The following ADCY10 variants were observed in gnomAD, a reference collection of about 807,000 sequenced individuals.
The protein encoded by ADCY10 is adenylate cyclase 10, also known as adenylate cyclase type 10.
ADCY10 carries 156 observed loss-of-function variants against 183.3 expected under a neutral mutation model. The ratio of observed to expected loss-of-function variants is 0.85; its 90% CI spans 0.75 to 0.97. ADCY10 has a LOEUF of 0.97. ADCY10 is among the 50% of genes least tolerant of loss of function. ADCY10 has a pLI of 0.00. For missense variants in ADCY10, 1,745 were observed against 1,934.3 expected, an observed-to-expected ratio of 0.90 and a Z score of 1.84; for synonymous variants, 645 against 670.0, an observed-to-expected ratio of 0.96 and a Z score of 0.58.
chr1:167,846,547 G>A (rs1665042020), intron 19 of ADCY10, among the ~76,000 whole-genome samples: 1 of 152,216 alleles, frequency 6.6e-6, no homozygotes, highest in African/African-American at 2.4e-5. Context: ...GCTAAAGTGT[G>A]ACAAGTGTGT....
In ADCY10 at chr1:167,809,676, T is replaced by C. The variant is rs1035063055; in HGVS notation, c.*2A>G. The C allele has an allele frequency of 1.9e-6, 3 of 1,613,942 alleles. No individual in the cohort carries two copies. In the African/African-American group the frequency reaches 4.0e-5, roughly 22 times the overall value. On this transcript the variant is annotated 3_prime_UTR_variant, in exon 33 of 33. Transcript: ENST00000367851. ...TTATTAAAATCTTTTTTCTTTGACA[T>C]GTTAGAAATGATTGTCCACGGTATT... is the stretch of plus-strand genomic sequence containing the variant.
chr1:167,860,332 A>G (rs993450852), intron 15 of ADCY10, among the ~76,000 whole-genome samples: 3 of 152,178 alleles, frequency 2.0e-5, no homozygotes, highest in African/African-American at 7.2e-5. Flanking sequence ...CACAGTTCAC[A>G]ATAGGGTTCA....
At chr1:167,821,298 C>T (rs897741499) in intron 30 of ADCY10, 2 of 152,960 alleles carry the variant, frequency 1.3e-5, no homozygotes, top group South Asian at 2.1e-4. Context: ...AATGCTGCTT[C>T]CTCACTCCTG....
chr1:167,883,976 G>T (rs1357734768), intron 8 of ADCY10, among the ~76,000 whole-genome samples: 1 of 151,970 alleles, frequency 6.6e-6, no homozygotes, highest in African/African-American at 2.4e-5. Context: ...AATTTTTGTA[G>T]GTCTATAGTA....
In ADCY10 at chr1:167,899,445, A is replaced by G; in HGVS notation, c.620T>C (p.Val207Ala). 1 of 1,614,178 alleles carries G rather than the reference A, an allele frequency of 6.2e-7. No homozygotes were observed. The highest frequency in any genetic ancestry group is 8.5e-7 in the Non-Finnish European group (1 of 1,180,026). The change falls in exon 6 of 33, where the codon GTT (valine) becomes GCT (alanine). Residue 207 changes from valine to alanine, a missense_variant. Coordinates refer to ENST00000367851, the MANE Select transcript of ADCY10 (RefSeq NM_018417.6). ...CACCTTAACTGCTCTCTGATCTGGA[A>G]CACTCTCAATTTCAATCATGCTCCG... ...CDRSMIEIES[V>A]PDQRAVKVNF...
Position 167,893,861 on chromosome 1 carries a change from A to G in ADCY10, c.820T>C (p.Leu274=), listed in dbSNP as rs776493706. 8.5e-5 allele frequency: 137 copies of G among 1,612,898 alleles called. No individual in the cohort carries two copies. Among genetic ancestry groups the G allele is most frequent in the Non-Finnish European group, 1.1e-4 (128 of 1,179,102 alleles). The change falls in exon 8 of 33, where the codon TTG becomes CTG. Residue 274 remains leucine (L), a synonymous_variant. Transcript: ENST00000367851. ...TTCAATTTTGAAAATACCTGCTTCA[A>G]AATGCTTTCCATCACATACTTTTGT... The part of the protein sequence containing the change: ...SLQKYVMESI[L]KQIDNKQLQG...
Position 167,873,501 on chromosome 1 carries a change from G to A in ADCY10, c.1462+1630C>T, listed in dbSNP as rs1667243643. On this transcript the variant is annotated intron_variant, in intron 13 of 32. Transcript: ENST00000367851. ...GATTTAACTTATGATAAGACTTTTG[G>A]GGATGTTCGTGTCTGACAGAAGGAA... 2.0e-5 allele frequency among the ~76,000 whole-genome samples: 3 copies of A among 152,114 alleles called. No homozygotes were observed. In the South Asian group the frequency reaches 6.2e-4, roughly 32 times the overall value.
chr1:167,845,408 T>C (rs956578018), intron 21 of ADCY10, 155 bp downstream of exon 21: 2 of 723,610 alleles, frequency 2.8e-6, no homozygotes, highest in African/African-American at 3.6e-5. Flanking sequence ...ACTTTTCTCT[T>C]CCCCATTGGC....
intron 8 of ADCY10, among the ~76,000 whole-genome samples, chr1:167,890,251 A>G (rs781555578): frequency 2.0e-5 from 3 of 152,242 alleles, no homozygotes; most frequent in Non-Finnish European, 4.4e-5. Context: ...GATCTAAGCC[A>G]TATCTATATT....
Position 167,845,775 on chromosome 1 carries a change from A to T in ADCY10, c.2795T>A (p.Met932Lys). ...ECHRIRFCNP[M>K]MQKTAYELWL... ...CAGCTCGTAGGCTGTTTTCTGCATC[A>T]TAGGGTTACAGAATCGAATCCTGTG... The change falls in exon 21 of 33, where the codon ATG (methionine) becomes AAG (lysine). Residue 932 changes from methionine (M) to lysine (K), a missense_variant. By Grantham distance (95) the Met-to-Lys change is moderately conservative. Coordinates refer to ENST00000367851, the MANE Select transcript of ADCY10 (RefSeq NM_018417.6). The T allele has an allele frequency of 6.2e-7, 1 of 1,614,192 alleles. No homozygotes were observed. The highest frequency in any genetic ancestry group is 8.5e-7 in the Non-Finnish European group (1 of 1,180,036).
chr1:167,833,392 G>A (rs2101903981), intron 24 of ADCY10, among the ~76,000 whole-genome samples: 1 of 152,258 alleles, frequency 6.6e-6, no homozygotes, highest in African/African-American at 2.4e-5. Flanking sequence ...GTCTACCTCT[G>A]AGACAATGTT....
chr1:167,894,666 CT>C (rs911455473), intron 7 of ADCY10, among the ~76,000 whole-genome samples: 10 of 151,902 alleles, frequency 6.6e-5, no homozygotes, highest in Non-Finnish European at 1.2e-4. Flanking sequence ...GATTTGTAGC[CT>C]TTATAATAAA....
chr1:167,860,991 A>C lies in ADCY10; in HGVS notation c.1689T>G (p.Asn563Lys). ...GTTTACAAGTGTCTAGGCCTAGGAC[A>C]TTGGCCATGAACATCTGGATGGTAT... ...TFYTIQMFMA[N>K]VLGLDTCKHY... Residue 563 changes from asparagine (N) to lysine (K), a missense_variant, in exon 15 of 33, where the codon AAT becomes AAG. Coordinates refer to ENST00000367851, the MANE Select transcript of ADCY10 (RefSeq NM_018417.6). 6.2e-7 allele frequency: 1 copy of C among 1,613,980 alleles called. No homozygotes were observed. The highest frequency in any genetic ancestry group is 1.1e-5 in the South Asian group (1 of 91,082).
At chr1:167,859,689 G>A in intron 16 of ADCY10, 118 bp downstream of exon 16, 1 of 811,202 alleles carries the variant, frequency 1.2e-6, no homozygotes, top group Non-Finnish European at 2.2e-6. Context: ...TTAGGACAAA[G>A]CCTTCACATC....
intron 16 of ADCY10, 79 bp downstream of exon 16, chr1:167,859,728 G>A: frequency 9.3e-7 from 1 of 1,071,612 alleles, no homozygotes; most frequent in South Asian, 1.3e-5. Context: ...AATGTGGTCT[G>A]AACTCCTCAA....
At chr1:167,906,662 A>C (rs967987874) in intron 1 of ADCY10, among the ~76,000 whole-genome samples, 1 of 150,540 alleles carries the variant, frequency 6.6e-6, no homozygotes, top group Non-Finnish European at 1.5e-5. Context: ...GGTGGCATGC[A>C]CCTGTAGTCC....
rs150565529 is a variant in ADCY10, at chr1:167,861,054, G to C, written c.1626C>G (p.Ala542=). 3.8e-5 allele frequency: 61 copies of C among 1,613,646 alleles called. 1 individual carries two copies. In the African/African-American group the frequency reaches 8.0e-4, roughly 21 times the overall value. ...LAQGKNHRII[A]ISLNKISFHQ... ...GGAAGCTGATCTTATTCAATGAAAT[G>C]GCAATAATCCTGTTTGTGAGAAAAT... The change falls in exon 15 of 33, where the codon GCC becomes GCG. Residue 542 remains alanine, a synonymous_variant. Transcript: ENST00000367851.
chr1:167,869,494 G>A (rs1374686670), intron 14 of ADCY10, among the ~76,000 whole-genome samples: 1 of 152,176 alleles, frequency 6.6e-6, no homozygotes, highest in African/African-American at 2.4e-5. Flanking sequence ...ACAGAGAAGC[G>A]AAACTAAAGG....
intron 30 of ADCY10, chr1:167,820,017 T>C: frequency 6.4e-7 from 1 of 1,564,036 alleles, no homozygotes; most frequent in Non-Finnish European, 8.8e-7. Flanking sequence ...ACTTTCTTCT[T>C]TTTTCCTATG....
Sources: gnomAD v4.1 joint callset for allele counts (sites outside exome capture counted in the v4.1 genomes callset) on GRCh38, gnomAD v4.1.1 for gene constraint, MANE v1.5 for transcripts, NCBI Gene and HGNC (gene_info 2026-07-23, HGNC 2026-07-21) for gene names.